The following SGPL1 variants were observed in gnomAD, a reference collection of about 807,000 sequenced individuals.
SGPL1 encodes sphingosine-1-phosphate lyase 1.
Under a neutral mutation model 68.9 loss-of-function variants are expected in SGPL1, and 37 were observed. The observed-to-expected ratio is 0.54, with a 90% CI of 0.41 to 0.71. SGPL1 has a LOEUF of 0.71. Ranked by LOEUF, SGPL1 falls within the 30% of genes least tolerant of loss-of-function variation. SGPL1 has a pLI of 0.00. For missense variants in SGPL1, 551 were observed against 704.6 expected, an observed-to-expected ratio of 0.78 and a Z score of 2.47; for synonymous variants, 236 against 248.5, an observed-to-expected ratio of 0.95 and a Z score of 0.47.
intron 3 of SGPL1, among the ~76,000 whole-genome samples, chr10:70,847,135 G>T (rs1477009263): frequency 1.3e-5 from 2 of 148,298 alleles, no homozygotes; most frequent in Admixed American, 1.3e-4. Context: ...GCCATTTGAG[G>T]TTTTTTTTTT....
intron 2 of SGPL1, among the ~76,000 whole-genome samples, chr10:70,828,866 A>G (rs1294464769): frequency 6.6e-6 from 1 of 152,186 alleles, no homozygotes; most frequent in African/African-American, 2.4e-5. Flanking sequence ...TCAATTCTGT[A>G]TTGAATTCCA....
chr10:70,842,253 A>G (rs1165834759), intron 2 of SGPL1, among the ~76,000 whole-genome samples: 2 of 152,194 alleles, frequency 1.3e-5, no homozygotes, highest in Non-Finnish European at 2.9e-5. Flanking sequence ...ATTTGTATAC[A>G]TGTGCAAAGT....
chr10:70,878,725 A>G lies in SGPL1; in HGVS notation c.*1390A>G, dbSNP rs1336651084. Reference sequence around the variant, plus strand: ...TGAAAGAGCACCCGTAGCAAGGAAAATTTTCTCTATTAGTGTGTTCTTCTG... The same window carrying G: ...TGAAAGAGCACCCGTAGCAAGGAAAGTTTTCTCTATTAGTGTGTTCTTCTG... On this transcript the variant is annotated 3_prime_UTR_variant, in exon 15 of 15. Transcript: ENST00000373202. 1 of 151,952 alleles carries G rather than the reference A, an allele frequency of 6.6e-6. No homozygotes were observed. The highest frequency in any genetic ancestry group is 2.4e-5 in the African/African-American group (1 of 41,322). 9.4% of individuals were successfully genotyped at this position (151,952 alleles called of 1,614,324 possible).
chr10:70,840,841 C>T (rs1259366326), intron 2 of SGPL1, among the ~76,000 whole-genome samples: 1 of 152,048 alleles, frequency 6.6e-6, no homozygotes, highest in East Asian at 1.9e-4. Flanking sequence ...AATTAGTTTG[C>T]ATTTGCTGGT....
intron 2 of SGPL1, among the ~76,000 whole-genome samples, chr10:70,836,765 A>AT (rs1338707201): frequency 4.0e-5 from 6 of 151,772 alleles, no homozygotes; most frequent in East Asian, 2.0e-4. Context: ...TGTTTTTTAA[A>AT]TTTTTTTGTA....
intron 7 of SGPL1, among the ~76,000 whole-genome samples, chr10:70,867,833 T>A (rs1222649875): frequency 6.6e-6 from 1 of 152,248 alleles, no homozygotes; most frequent in Non-Finnish European, 1.5e-5. Flanking sequence ...GGCAACAAAC[T>A]TCCATCAAGT....
At chr10:70,832,581 T>A (rs1845560923) in intron 2 of SGPL1, among the ~76,000 whole-genome samples, 1 of 152,218 alleles carries the variant, frequency 6.6e-6, no homozygotes, top group Non-Finnish European at 1.5e-5. Flanking sequence ...AAATACGGGA[T>A]CTTTTCCACT....
At chr10:70,870,213 A>G (rs1846266601) in intron 9 of SGPL1, among the ~76,000 whole-genome samples, 1 of 151,936 alleles carries the variant, frequency 6.6e-6, no homozygotes, top group South Asian at 2.1e-4. Flanking sequence ...GACTCTTACC[A>G]TGGCCCGGGC....
intron 2 of SGPL1, among the ~76,000 whole-genome samples, chr10:70,822,794 TC>T (rs1333084932): frequency 3.0e-5 from 4 of 131,182 alleles, no homozygotes; most frequent in African/African-American, 1.1e-4. Flanking sequence ...CCATTATCAC[TC>T]TTTTTTTTTT....
At chr10:70,863,547 C>T (rs1336726447) in intron 7 of SGPL1, among the ~76,000 whole-genome samples, 1 of 151,762 alleles carries the variant, frequency 6.6e-6, no homozygotes, top group Admixed American at 6.6e-5. Context: ...TTCTTTGAGG[C>T]CTAGATTGAA....
At chr10:70,862,282 C>T (rs1273530252) in intron 7 of SGPL1, among the ~76,000 whole-genome samples, 9 of 152,204 alleles carry the variant, frequency 5.9e-5, no homozygotes, top group Admixed American at 5.9e-4. Context: ...CTCTGTATCT[C>T]GCTGCTCTGG....
chr10:70,855,620 A>T (rs1458789888), intron 5 of SGPL1, among the ~76,000 whole-genome samples: 1 of 152,254 alleles, frequency 6.6e-6, no homozygotes, highest in Non-Finnish European at 1.5e-5. Flanking sequence ...TGCCTGGCAT[A>T]TAGTAAGGAT....
intron 7 of SGPL1, among the ~76,000 whole-genome samples, chr10:70,861,754 C>A (rs1299919603): frequency 1.3e-5 from 2 of 152,222 alleles, no homozygotes; most frequent in African/African-American, 4.8e-5. Flanking sequence ...GCCGGCCCTG[C>A]CGGCCCCGGG....
chr10:70,858,530 G>A (rs908102483), intron 6 of SGPL1, among the ~76,000 whole-genome samples: 1 of 152,172 alleles, frequency 6.6e-6, no homozygotes, highest in African/African-American at 2.4e-5. Context: ...TTATAAATAT[G>A]AAACTGTCCC....
At chr10:70,874,491 G>A (rs1168807614) in intron 12 of SGPL1, among the ~76,000 whole-genome samples, 1 of 152,238 alleles carries the variant, frequency 6.6e-6, no homozygotes, top group Non-Finnish European at 1.5e-5. Flanking sequence ...TTGGGAGGCT[G>A]AGGCGGGTGG....
chr10:70,841,500 A>T (rs992842083), intron 2 of SGPL1, among the ~76,000 whole-genome samples: 1 of 152,130 alleles, frequency 6.6e-6, no homozygotes, highest in Non-Finnish European at 1.5e-5. Context: ...TTCATAGAAA[A>T]TGTCTTCTCA....
At chr10:70,820,076 T>C (rs1185455021) in intron 2 of SGPL1, 2 of 152,270 alleles carry the variant, frequency 1.3e-5, no homozygotes, top group Non-Finnish European at 2.9e-5. Context: ...GGAATAGTAA[T>C]GTTAACTCTG....
chr10:70,817,587 G>A (rs925439636), intron 2 of SGPL1, among the ~76,000 whole-genome samples: 6 of 152,120 alleles, frequency 3.9e-5, no homozygotes, highest in Non-Finnish European at 7.4e-5. Flanking sequence ...AGGAGCACAG[G>A]TCACCTCTCC....
chr10:70,859,179 AT>A (rs2131912220), intron 6 of SGPL1, among the ~76,000 whole-genome samples, 191 bp from the exon 7 acceptor site: 1 of 152,274 alleles, frequency 6.6e-6, no homozygotes, highest in South Asian at 2.1e-4. Context: ...TCCTCATCAC[AT>A]TGTAAAATTA....
Sources: allele counts gnomAD v4.1 joint callset (sites outside exome capture counted in the v4.1 genomes callset), GRCh38; gene constraint gnomAD v4.1.1; transcripts MANE v1.5; gene names NCBI Gene and HGNC (gene_info 2026-07-23, HGNC 2026-07-21).